DRC11: variants seen among roughly 807,000 people sequenced by gnomAD.
The protein encoded by DRC11 is IQ and AAA domain-containing protein 1.
chr2:236,362,872 C>T, the DRC11 span, among the ~76,000 whole-genome samples: 1 of 152,132 alleles, frequency 6.6e-6, no homozygotes, highest in Non-Finnish European at 1.5e-5. The surrounding 1 kb of genome is among the most constrained non-coding windows in gnomAD (Gnocchi z 5.7). Flanking sequence ...GTGGGAGGGA[C>T]CACGTGGCTA....
At chr2:236,378,718 G>A in the DRC11 span, among the ~76,000 whole-genome samples, 2 of 150,958 alleles carry the variant, frequency 1.3e-5, no homozygotes, top group Middle Eastern at 3.2e-3. Flanking sequence ...GGCACAGTGT[G>A]TGAGCATGGG....
the DRC11 span, chr2:236,497,509 AGAT>A: frequency 4.6e-6 from 7 of 1,531,474 alleles, no homozygotes; most frequent in South Asian, 8.6e-5. The surrounding 1 kb of genome is among the most constrained non-coding windows in gnomAD (Gnocchi z 5.1). Flanking sequence ...GAGAGAATTT[AGAT>A]GATACAGTAA....
At chr2:236,384,960 C>G in the DRC11 span, among the ~76,000 whole-genome samples, 6 of 151,986 alleles carry the variant, frequency 3.9e-5, no homozygotes, top group African/African-American at 1.5e-4. Context: ...TGTCAAAGAT[C>G]AGATAGTTGT....
the DRC11 span, among the ~76,000 whole-genome samples, chr2:236,316,319 C>T: frequency 3.9e-5 from 6 of 152,228 alleles, no homozygotes; most frequent in South Asian, 2.1e-4. The surrounding 1 kb of genome is among the most constrained non-coding windows in gnomAD (Gnocchi z 6.8). Context: ...CCCACCACCA[C>T]GCCCAGATAA....
At chr2:236,502,146 A>G in the DRC11 span, among the ~76,000 whole-genome samples, 1 of 152,222 alleles carries the variant, frequency 6.6e-6, no homozygotes, top group Non-Finnish European at 1.5e-5. Context: ...GAGAAATGCT[A>G]GAAATATGCC....
At chr2:236,449,458 C>T in the DRC11 span, among the ~76,000 whole-genome samples, 3 of 152,166 alleles carry the variant, frequency 2.0e-5, no homozygotes, top group Non-Finnish European at 4.4e-5. The surrounding 1 kb of genome is among the most constrained non-coding windows in gnomAD (Gnocchi z 5.1). Flanking sequence ...TGACTCAGGC[C>T]GTGTTGCTGC....
chr2:236,338,065 A>T, the DRC11 span: 1 of 697,148 alleles, frequency 1.4e-6, no homozygotes, highest in Admixed American at 3.0e-5. Flanking sequence ...TGTTGGGTGC[A>T]GGTGCACACA....
chr2:236,410,491 A>G, the DRC11 span, among the ~76,000 whole-genome samples: 2 of 151,094 alleles, frequency 1.3e-5, no homozygotes, highest in African/African-American at 2.4e-5. Flanking sequence ...TACAGATTCA[A>G]TGCCATCCCC....
chr2:236,432,676 C>A, the DRC11 span, among the ~76,000 whole-genome samples: 5 of 151,942 alleles, frequency 3.3e-5, no homozygotes, highest in African/African-American at 1.2e-4. Context: ...TCTGTGATAC[C>A]CATCACAAAT....
At chr2:236,494,383 T>A in the DRC11 span, among the ~76,000 whole-genome samples, 2 of 152,244 alleles carry the variant, frequency 1.3e-5, 1 homozygote, top group South Asian at 4.1e-4. The surrounding 1 kb of genome is among the most constrained non-coding windows in gnomAD (Gnocchi z 4.2). Context: ...TTTACAAAAG[T>A]AGTTTGCTTT....
chr2:236,474,063 T>C, the DRC11 span, among the ~76,000 whole-genome samples: 1 of 152,186 alleles, frequency 6.6e-6, no homozygotes. Context: ...ATTGCAAACA[T>C]TTCTTTGATT....
At chr2:236,401,135 C>G in the DRC11 span, among the ~76,000 whole-genome samples, 1 of 152,164 alleles carries the variant, frequency 6.6e-6, no homozygotes, top group African/African-American at 2.4e-5. This position sits in a 1 kb window ranked among gnomAD's most constrained non-coding sequence, Gnocchi z 4.6. Flanking sequence ...ACACACAACC[C>G]CCACAGGTGT....
At chr2:236,425,029 T>C in the DRC11 span, among the ~76,000 whole-genome samples, 1 of 152,062 alleles carries the variant, frequency 6.6e-6, no homozygotes, top group Non-Finnish European at 1.5e-5. Context: ...TTCCACTGGG[T>C]ATATACAATA....
the DRC11 span, among the ~76,000 whole-genome samples, chr2:236,390,320 T>C: frequency 1.3e-5 from 2 of 152,328 alleles, no homozygotes; most frequent in African/African-American, 2.4e-5. The surrounding 1 kb of genome is among the most constrained non-coding windows in gnomAD (Gnocchi z 5.9). Context: ...GCATGAGATA[T>C]CTTTTTTCCA....
At chr2:236,340,952 C>T in the DRC11 span, among the ~76,000 whole-genome samples, 27 of 152,132 alleles carry the variant, frequency 1.8e-4, no homozygotes, top group Admixed American at 3.9e-4. Flanking sequence ...GCAGAGCCGT[C>T]TGTTATGCAC....
At chr2:236,356,505 C>T in the DRC11 span, among the ~76,000 whole-genome samples, 16 of 152,338 alleles carry the variant, frequency 1.1e-4, no homozygotes, top group East Asian at 3.9e-4. Context: ...GGCCACGCGA[C>T]GGTCTTGGGG....
chr2:236,313,776 C>T, the DRC11 span, among the ~76,000 whole-genome samples: 1 of 152,092 alleles, frequency 6.6e-6, no homozygotes, highest in Non-Finnish European at 1.5e-5. This position sits in a 1 kb window ranked among gnomAD's most constrained non-coding sequence, Gnocchi z 4.5. Context: ...GACTTATTCC[C>T]ATGGAATTAT....
chr2:236,484,974 C>T, the DRC11 span, among the ~76,000 whole-genome samples: 4 of 152,228 alleles, frequency 2.6e-5, no homozygotes, highest in African/African-American at 9.6e-5. Flanking sequence ...TACTAAATCT[C>T]TTGCATGCCT....
chr2:236,332,188 T>C, the DRC11 span: 1 of 154,126 alleles, frequency 6.5e-6, no homozygotes, highest in African/African-American at 2.4e-5. The surrounding 1 kb of genome is among the most constrained non-coding windows in gnomAD (Gnocchi z 5.1). Context: ...AAACACGCAT[T>C]GGTTGACTAG....
Sources: gnomAD v4.1 joint callset for allele counts (sites outside exome capture counted in the v4.1 genomes callset) on GRCh38, gnomAD v4.1.1 for gene constraint, Gnocchi (gnomAD v3.1) non-coding constraint, MANE v1.5 for transcripts, NCBI Gene and HGNC (gene_info 2026-07-23, HGNC 2026-07-21) for gene names.